C10orf67: variants seen among roughly 807,000 people sequenced by gnomAD.
C10orf67 encodes chromosome 10 open reading frame 67, also known as uncharacterized protein C10orf67, mitochondrial.
In C10orf67, 60 loss-of-function variants were observed where a neutral mutation model predicts 35.6. That is an observed-to-expected ratio of 1.68 (90% CI 1.37 to 2.09). C10orf67 has a LOEUF of 2.09. C10orf67 is among the 30% of genes most tolerant of loss of function. C10orf67 has a pLI of 0.00. For missense variants in C10orf67, 474 were observed against 330.2 expected (o/e 1.44, Z -3.38); for synonymous variants, 167 against 115.8 (o/e 1.44, Z -2.84).
intron 8 of C10orf67, among the ~76,000 whole-genome samples, chr10:23,278,370 C>T (rs541519161): frequency 6.6e-6 from 1 of 152,252 alleles, no homozygotes; most frequent in East Asian, 1.9e-4. Context: ...GTATTACGGG[C>T]TTATTAAAGT....
chr10:23,257,611 TG>T (rs1269612035), intron 10 of C10orf67, among the ~76,000 whole-genome samples: 1 of 152,140 alleles, frequency 6.6e-6, no homozygotes, highest in Non-Finnish European at 1.5e-5. Context: ...GAGAACAGCC[TG>T]GGCAATATGG....
intron 1 of C10orf67, among the ~76,000 whole-genome samples, chr10:23,333,769 T>C (rs1433152810): frequency 1.3e-5 from 2 of 152,078 alleles, no homozygotes; most frequent in African/African-American, 4.8e-5. Flanking sequence ...TTTGCAAAAA[T>C]GTAAAACAGT....
intron 2 of C10orf67, among the ~76,000 whole-genome samples, chr10:23,332,751 TATTC>T: frequency 6.6e-6 from 1 of 152,258 alleles, no homozygotes; most frequent in South Asian, 2.1e-4. Flanking sequence ...GTTACACAGT[TATTC>T]ATTATATATG....
chr10:23,206,002 A>C (rs892790589), intron 15 of C10orf67, among the ~76,000 whole-genome samples: 1 of 152,230 alleles, frequency 6.6e-6, no homozygotes, highest in Non-Finnish European at 1.5e-5. Context: ...ATAAATTGCA[A>C]TTCAAAAGCA....
chr10:23,214,835 C>T (rs144964032), intron 15 of C10orf67, among the ~76,000 whole-genome samples: 10 of 152,210 alleles, frequency 6.6e-5, no homozygotes, highest in African/African-American at 2.4e-4. Context: ...CCAGCCTGGA[C>T]AACATGGCAA....
intron 7 of C10orf67, among the ~76,000 whole-genome samples, chr10:23,286,280 C>G (rs977203640): frequency 6.8e-6 from 1 of 147,962 alleles, no homozygotes; most frequent in Non-Finnish European, 1.5e-5. Flanking sequence ...CCTGTTTAGT[C>G]CCAGCTACTC....
At chr10:23,210,526 C>T (rs905079969) in intron 15 of C10orf67, among the ~76,000 whole-genome samples, 4 of 151,986 alleles carry the variant, frequency 2.6e-5, no homozygotes, top group African/African-American at 9.7e-5. Context: ...TTCAAGTGAT[C>T]CTCCCACCTC....
intron 10 of C10orf67, among the ~76,000 whole-genome samples, chr10:23,250,901 C>A (rs569214018): frequency 3.4e-4 from 51 of 152,080 alleles, no homozygotes; most frequent in African/African-American, 1.2e-3. Context: ...AGTTTGAGAC[C>A]GGTCTGGGCA....
At chr10:23,340,340 A>C (rs376264969) in intron 1 of C10orf67, among the ~76,000 whole-genome samples, 3 of 54,382 alleles carry the variant, frequency 5.5e-5, no homozygotes, top group African/African-American at 2.3e-4. Context: ...CCCTGTCTCT[A>C]CAAAAATACA....
chr10:23,295,962 A>T (rs972068747), intron 5 of C10orf67, among the ~76,000 whole-genome samples: 2 of 152,226 alleles, frequency 1.3e-5, no homozygotes, highest in African/African-American at 4.8e-5. Flanking sequence ...CAAACATTTA[A>T]ACCAGTTTAA....
intron 8 of C10orf67, among the ~76,000 whole-genome samples, chr10:23,268,019 G>A (rs970782761): frequency 3.9e-5 from 6 of 152,140 alleles, no homozygotes; most frequent in Non-Finnish European, 5.9e-5. Context: ...TGGGTGCAGT[G>A]GCTTATGCCT....
chr10:23,283,174 C>T (rs1170982009), intron 7 of C10orf67, among the ~76,000 whole-genome samples: 1 of 152,156 alleles, frequency 6.6e-6, no homozygotes, highest in East Asian at 1.9e-4. Context: ...TTCATATACT[C>T]TGTAAATATA....
At chr10:23,289,350 G>A (rs1374622415) in intron 7 of C10orf67, among the ~76,000 whole-genome samples, 1 of 152,120 alleles carries the variant, frequency 6.6e-6, no homozygotes, top group Admixed American at 6.6e-5. Context: ...TTTTTATAAA[G>A]AAGGGGTCTC....
chr10:23,318,235 C>A (rs1213184928), intron 4 of C10orf67: 1 of 151,644 alleles, frequency 6.6e-6, no homozygotes, highest in Admixed American at 6.6e-5. Flanking sequence ...GACCTGTGAC[C>A]TCACATAAAA....
rs373187389 is a variant in C10orf67 at position 23,309,839 on chromosome 10, T to G, written c.547-6380A>C. On this transcript the variant is annotated intron_variant, in intron 4 of 15. Transcript: ENST00000636213. ...ACAAAAAAGTTTTACTTTTACATGC[T>G]TCCTAACCTTGTTTTATTAGTGCAG... 2.0e-4 allele frequency among the ~76,000 whole-genome samples: 30 copies of G among 152,362 alleles called. No homozygotes were observed. In the South Asian group the frequency reaches 4.8e-3, roughly 24 times the overall value.
chr10:23,217,832 A>G (rs1220002626), intron 15 of C10orf67, among the ~76,000 whole-genome samples: 1 of 152,200 alleles, frequency 6.6e-6, no homozygotes, highest in African/African-American at 2.4e-5. Flanking sequence ...TTAATAAGGG[A>G]CATTTTAATA....
rs1449650060 is a variant in C10orf67 at position 23,324,228 on chromosome 10, C to A, written c.328-1691G>T. On this transcript the variant is annotated intron_variant, in intron 2 of 15. Transcript: ENST00000636213. ...TCCCTTGGGCACTGATGTAGATTCT[C>A]TAGAGATTCTGATTGCTGGGACCCT... is the stretch of plus-strand genomic sequence containing the variant. Among the ~76,000 whole-genome samples the A allele has an allele frequency of 3.3e-5, 5 of 151,688 alleles. No homozygotes were observed. In the East Asian group the frequency reaches 9.7e-4, roughly 30 times the overall value.
chr10:23,234,394 G>T (rs1307857029), intron 13 of C10orf67, among the ~76,000 whole-genome samples: 1 of 152,108 alleles, frequency 6.6e-6, no homozygotes, highest in Non-Finnish European at 1.5e-5. Flanking sequence ...AGAGCTGGAG[G>T]CCATTATCCT....
At chr10:23,238,314 T>A (rs1842097469) in intron 13 of C10orf67, among the ~76,000 whole-genome samples, 1 of 152,240 alleles carries the variant, frequency 6.6e-6, no homozygotes, top group South Asian at 2.1e-4. Context: ...CATCAGTTTT[T>A]CTTCAGTATT....
Sources: allele counts gnomAD v4.1 joint callset (sites outside exome capture counted in the v4.1 genomes callset), GRCh38; gene constraint gnomAD v4.1.1; transcripts MANE v1.5; gene names NCBI Gene and HGNC (gene_info 2026-07-23, HGNC 2026-07-21).